GULP1: variants seen among roughly 807,000 people sequenced by gnomAD.
GULP1 encodes GULP PTB domain containing engulfment adaptor 1.
A neutral mutation model predicts 40.9 loss-of-function variants in GULP1; 19 were observed. The ratio of observed to expected loss-of-function variants is 0.46; its 90% CI spans 0.32 to 0.68. The LOEUF (loss-of-function observed/expected upper bound fraction) is 0.68, where lower values mean the gene tolerates loss of function less well. GULP1 is among the 30% of genes least tolerant of loss of function. The pLI, the probability that GULP1 is intolerant of heterozygous loss-of-function variation, is 0.03. For missense variants in GULP1, 312 were observed against 362.2 expected, an observed-to-expected ratio of 0.86 and a Z score of 1.12; for synonymous variants, 119 against 117.6, an observed-to-expected ratio of 1.01 and a Z score of -0.08.
At chr2:188,331,984 A>G (rs1166457655) in intron 1 of GULP1, among the ~76,000 whole-genome samples, 1 of 152,172 alleles carries the variant, frequency 6.6e-6, no homozygotes, top group Non-Finnish European at 1.5e-5. Context: ...ATGATTTTGT[A>G]GAAGGTAGAG....
intron 4 of GULP1, among the ~76,000 whole-genome samples, chr2:188,490,087 C>T (rs954754800): frequency 5.9e-5 from 9 of 152,068 alleles, no homozygotes; most frequent in Non-Finnish European, 1.3e-4. Context: ...CATTACATTT[C>T]AGTATTTACT....
At chr2:188,420,578 C>T (rs1341226602) in intron 2 of GULP1, among the ~76,000 whole-genome samples, 5 of 152,056 alleles carry the variant, frequency 3.3e-5, no homozygotes, top group East Asian at 1.9e-4. Context: ...GAATAAGACA[C>T]GTGGACACCA....
In GULP1 at chr2:188,568,165, T is replaced by C. The variant is rs1050856547; in HGVS notation, c.400-1074T>C. Among the ~76,000 whole-genome samples, 16 of 152,252 alleles carry C rather than the reference T, an allele frequency of 1.1e-4. No individual in the cohort carries two copies. In the East Asian group the frequency reaches 3.1e-3, roughly 29 times the overall value. Reference sequence around the variant, plus strand: ...ACTATAAAAATTCTATTAAATGATATAAGATGATTAACAAAGCATGTTTTC... The same window carrying C: ...ACTATAAAAATTCTATTAAATGATACAAGATGATTAACAAAGCATGTTTTC... On this transcript the variant is annotated intron_variant, in intron 7 of 11. Transcript: ENST00000409830.
At chr2:188,547,494 T>G (rs1430761196) in intron 7 of GULP1, among the ~76,000 whole-genome samples, 2 of 152,126 alleles carry the variant, frequency 1.3e-5, no homozygotes. Flanking sequence ...AGTCCAATCT[T>G]CAAGGGCAGG....
At chr2:188,534,741 G>A (rs888455938) in intron 6 of GULP1, among the ~76,000 whole-genome samples, 18 of 151,894 alleles carry the variant, frequency 1.2e-4, no homozygotes, top group African/African-American at 1.7e-4. Context: ...TTTTTATTGC[G>A]GAAAATCATA....
chr2:188,328,403 AT>A (rs1339810608), intron 1 of GULP1, among the ~76,000 whole-genome samples: 2 of 152,018 alleles, frequency 1.3e-5, no homozygotes, highest in African/African-American at 4.8e-5. Context: ...TTTTCTAGGG[AT>A]ATCTTCTAGC....
At chr2:188,412,941 A>T (rs963174039) in intron 2 of GULP1, among the ~76,000 whole-genome samples, 10 of 152,032 alleles carry the variant, frequency 6.6e-5, no homozygotes, top group Non-Finnish European at 1.2e-4. Context: ...AACTTACCAA[A>T]TTTTTTTTAA....
chr2:188,389,003 G>A (rs753411713), intron 2 of GULP1, among the ~76,000 whole-genome samples: 34 of 152,088 alleles, frequency 2.2e-4, no homozygotes, highest in East Asian at 7.7e-4. Flanking sequence ...TGTCTAGGGC[G>A]AAAAAAATGT....
chr2:188,505,571 G>T (rs72913365), intron 4 of GULP1, among the ~76,000 whole-genome samples: 1 of 151,576 alleles, frequency 6.6e-6, no homozygotes, highest in South Asian at 2.1e-4. Context: ...CTCTTCTGAG[G>T]TACTGATTTC....
Position 188,593,962 on chromosome 2 carries a change from C to A in GULP1, c.866C>A (p.Thr289Asn). 6.3e-7 allele frequency: 1 copy of A among 1,594,734 alleles called. No individual in the cohort carries two copies. The highest frequency in any genetic ancestry group is 8.6e-7 in the Non-Finnish European group (1 of 1,163,116). Residue 289 changes from threonine (T) to asparagine (N), a missense_variant, in exon 12 of 12, where the codon ACT (threonine) becomes AAT (asparagine). Thr to Asn is a moderately conservative substitution (Grantham distance 65). Coordinates refer to ENST00000409830, the MANE Select transcript of GULP1 (RefSeq NM_016315.4). ...CAGGAGGGGTTCAAAATGGGACTAA[C>A]TCTTGAAGGCACAGTATTTTGTCTC... ...EMQEGFKMGLTLEGTVFCLDP... is the reference protein window; with the variant it reads ...EMQEGFKMGLNLEGTVFCLDP...
At chr2:188,393,323 T>A (rs1433182947) in intron 2 of GULP1, among the ~76,000 whole-genome samples, 1 of 152,046 alleles carries the variant, frequency 6.6e-6, no homozygotes, top group Non-Finnish European at 1.5e-5. Context: ...TTTTTTATTA[T>A]TATGTAATGA....
At chr2:188,337,051 G>A (rs2042349376) in intron 1 of GULP1, among the ~76,000 whole-genome samples, 1 of 152,020 alleles carries the variant, frequency 6.6e-6, no homozygotes, top group African/African-American at 2.4e-5. Flanking sequence ...TCCCAGAATA[G>A]AAACCAGAAA....
At chr2:188,585,330 C>T (rs1702151611) in intron 10 of GULP1, among the ~76,000 whole-genome samples, 1 of 152,140 alleles carries the variant, frequency 6.6e-6, no homozygotes, top group Admixed American at 6.5e-5. Context: ...AAGACAGTGG[C>T]CCTCTTCTCA....
chr2:188,473,154 T>TC (rs2060729525), intron 2 of GULP1, among the ~76,000 whole-genome samples: 1 of 146,556 alleles, frequency 6.8e-6, no homozygotes, highest in Non-Finnish European at 1.5e-5. Flanking sequence ...GGGGTCTCTC[T>TC]TTCTCTCTCT....
At chr2:188,573,145 C>A (rs921650722) in intron 9 of GULP1, among the ~76,000 whole-genome samples, 9 of 152,032 alleles carry the variant, frequency 5.9e-5, no homozygotes, top group African/African-American at 1.9e-4. Flanking sequence ...AGATATCTAA[C>A]CAATTCAAAT....
chr2:188,521,013 A>G (rs1007352328), intron 4 of GULP1, among the ~76,000 whole-genome samples: 17 of 152,070 alleles, frequency 1.1e-4, no homozygotes, highest in African/African-American at 4.1e-4. Context: ...AATACATGAA[A>G]AAGATTCCAC....
chr2:188,476,906 T>G (rs961836353), intron 2 of GULP1, among the ~76,000 whole-genome samples: 2 of 152,094 alleles, frequency 1.3e-5, no homozygotes, highest in African/African-American at 2.4e-5. Context: ...TGTTGTTGTT[T>G]TTTACACGAA....
At chr2:188,442,218 G>A (rs890898031) in intron 2 of GULP1, among the ~76,000 whole-genome samples, 1 of 152,160 alleles carries the variant, frequency 6.6e-6, no homozygotes, top group Non-Finnish European at 1.5e-5. Flanking sequence ...AATATATGGA[G>A]ACTTAGTGTG....
chr2:188,393,133 T>G (rs2050750400), intron 2 of GULP1, among the ~76,000 whole-genome samples: 1 of 151,856 alleles, frequency 6.6e-6, no homozygotes, highest in African/African-American at 2.4e-5. Context: ...ATTTTTTTTT[T>G]GTCTTTCTGT....
Sources: allele counts gnomAD v4.1 joint callset (sites outside exome capture counted in the v4.1 genomes callset), GRCh38; gene constraint gnomAD v4.1.1; transcripts MANE v1.5; gene names NCBI Gene and HGNC (gene_info 2026-07-23, HGNC 2026-07-21).